Variants in SNX4 observed in about 807,000 individuals in gnomAD.
SNX4 encodes sorting nexin-4.
A neutral mutation model predicts 70.8 loss-of-function variants in SNX4; 49 were observed. The observed-to-expected ratio is 0.69, with a 90% CI of 0.55 to 0.88. The LOEUF (loss-of-function observed/expected upper bound fraction) is 0.88, where lower values mean the gene tolerates loss of function less well. Among genes scored for constraint, SNX4 ranks in the 40% least tolerant of loss-of-function variants. The probability of loss-of-function intolerance (pLI) is 0.00; values close to 1 mark genes in which losing one functional copy is unlikely to be tolerated. For synonymous variants in SNX4, 206 were observed against 183.8 expected (o/e 1.12, Z -0.98); for missense variants, 528 against 544.8 (o/e 0.97, Z 0.31).
chr3:125,516,995 G>GT (rs1396143212), intron 1 of SNX4: 12 of 86,056 alleles, frequency 1.4e-4, no homozygotes, highest in Non-Finnish European at 3.0e-4. Flanking sequence ...TCTGAAGATA[G>GT]TAAGTTATCT....
chr3:125,493,648 C>A (rs1333516362), intron 5 of SNX4, among the ~76,000 whole-genome samples: 2 of 134,026 alleles, frequency 1.5e-5, no homozygotes, highest in African/African-American at 5.7e-5. Context: ...AGCGAGACTC[C>A]GTGTCAAAAA....
intron 6 of SNX4, among the ~76,000 whole-genome samples, 193 bp downstream of exon 6, chr3:125,489,215 C>T (rs998346152): frequency 6.6e-6 from 1 of 152,118 alleles, no homozygotes; most frequent in Non-Finnish European, 1.5e-5. Flanking sequence ...TTTTATAAAA[C>T]TTCAGTCACA....
At chr3:125,502,896 A>G (rs1287873833) in intron 2 of SNX4, among the ~76,000 whole-genome samples, 2 of 149,118 alleles carry the variant, frequency 1.3e-5, no homozygotes, top group Non-Finnish European at 3.0e-5. Context: ...ACATTGTTAT[A>G]ACACTTAACT....
chr3:125,510,949 G>A (rs1580011342), intron 1 of SNX4, among the ~76,000 whole-genome samples: 3 of 152,050 alleles, frequency 2.0e-5, no homozygotes, highest in South Asian at 2.1e-4. Flanking sequence ...AGACAGTTTC[G>A]CTCTTACCGC....
At chr3:125,488,172 T>TAAA (rs35693375) in intron 6 of SNX4, among the ~76,000 whole-genome samples, 3,749 of 93,374 alleles carry the variant, frequency 0.04, 84 homozygotes, top group East Asian at 0.11. Context: ...AATAGTCTAT[T>TAAA]AAAAAAAAAA....
At chr3:125,483,975 C>A (rs567044325) in intron 6 of SNX4, among the ~76,000 whole-genome samples, 2 of 152,104 alleles carry the variant, frequency 1.3e-5, no homozygotes, top group Non-Finnish European at 2.9e-5. Flanking sequence ...TCATATATAA[C>A]GTCAGAATGT....
At chr3:125,454,542 A>G (rs1246653897) in intron 11 of SNX4, among the ~76,000 whole-genome samples, 1 of 152,212 alleles carries the variant, frequency 6.6e-6, no homozygotes, top group Non-Finnish European at 1.5e-5. Context: ...CTGCTGATTT[A>G]AAGTATACAA....
At position 125,476,741 on chromosome 3, in the gene SNX4, G is replaced by C; in HGVS notation, c.742C>G (p.Leu248Val). ...LRVRARVADR[L>V]YGVYKVHGNY... ...CCATGTACTTTATATACACCATAGA[G>C]TCGATCTGCTACTCTCTGAAATAAA... The change falls in exon 8 of 14, where the codon CTC becomes GTC. Residue 248 changes from leucine to valine, a missense_variant. This residue lies in a region of SNX4 where 341 missense variants were observed against 312.2 expected (regional missense o/e 1.09). Coordinates refer to ENST00000251775, the MANE Select transcript of SNX4 (RefSeq NM_003794.4). The C allele has an allele frequency of 6.3e-7, 1 of 1,592,574 alleles. No individual in the cohort carries two copies. Among genetic ancestry groups the C allele is most frequent in the Non-Finnish European group, 8.6e-7 (1 of 1,163,458 alleles).
chr3:125,486,830 T>C (rs986180957), intron 6 of SNX4, among the ~76,000 whole-genome samples: 5 of 152,090 alleles, frequency 3.3e-5, no homozygotes, highest in Admixed American at 3.3e-4. Flanking sequence ...AGGCGGAGGA[T>C]TGTTGAGCCC....
intron 6 of SNX4, 64 bp from the exon 7 acceptor site, chr3:125,480,383 A>T (rs551917402): frequency 1.6e-5 from 17 of 1,047,386 alleles, no homozygotes; most frequent in Non-Finnish European, 2.3e-5. Flanking sequence ...AAACTGAAAG[A>T]AAAAAACAGT....
At chr3:125,474,702 G>A (rs2107541001) in intron 8 of SNX4, among the ~76,000 whole-genome samples, 1 of 152,158 alleles carries the variant, frequency 6.6e-6, no homozygotes, top group Non-Finnish European at 1.5e-5. Context: ...TTATCATGTG[G>A]CATTAATGCA....
At chr3:125,468,536 A>C (rs1201359720) in intron 9 of SNX4, among the ~76,000 whole-genome samples, 2 of 149,816 alleles carry the variant, frequency 1.3e-5, no homozygotes, top group Non-Finnish European at 3.0e-5. Context: ...CCCCATCTCT[A>C]AAAAAAGAAA....
At chr3:125,518,681 A>T (rs1047446431) in intron 1 of SNX4, among the ~76,000 whole-genome samples, 1 of 152,114 alleles carries the variant, frequency 6.6e-6, no homozygotes, top group African/African-American at 2.4e-5. Flanking sequence ...AGCCTGGGTA[A>T]CATGGTGAAA....
At chr3:125,497,231 G>T in intron 5 of SNX4, 110 bp downstream of exon 5, 1 of 634,354 alleles carries the variant, frequency 1.6e-6, no homozygotes, top group South Asian at 2.1e-5. Flanking sequence ...TTTATTGTAA[G>T]ACGATTTCCA....
chr3:125,495,644 G>C (rs1051355336), intron 5 of SNX4, among the ~76,000 whole-genome samples: 3 of 151,994 alleles, frequency 2.0e-5, no homozygotes, highest in African/African-American at 7.3e-5. Context: ...CTGGTAAATA[G>C]CAATTTTATA....
At chr3:125,507,061 G>A (rs1275633019) in intron 1 of SNX4, among the ~76,000 whole-genome samples, 1 of 150,836 alleles carries the variant, frequency 6.6e-6, no homozygotes, top group Non-Finnish European at 1.5e-5. Context: ...AACTAGCTGG[G>A]TGTGGTGGCG....
chr3:125,447,840 TA>T lies in SNX4; in HGVS notation c.1306-15del. ...AACTTGAATTCCCTAAAAATAAAAA[TA>T]AAAACTTTAAAATGTGAGTTTGGAA... On this transcript the variant is annotated splice_polypyrimidine_tract_variant and intron_variant, in intron 13 of 13. Transcript: ENST00000251775. 1.3e-6 allele frequency: 2 copies of T among 1,544,128 alleles called. No individual in the cohort carries two copies. The highest frequency in any genetic ancestry group is 1.7e-4 in the Middle Eastern group (1 of 5,842).
At chr3:125,457,562 T>G (rs1364990994) in intron 10 of SNX4, among the ~76,000 whole-genome samples, 197 bp from the exon 11 acceptor site, 1 of 150,424 alleles carries the variant, frequency 6.6e-6, no homozygotes, top group Admixed American at 6.7e-5. Context: ...CCATAAAAAC[T>G]TCATATATTC....
At chr3:125,477,255 A>G (rs1447603370) in intron 7 of SNX4, among the ~76,000 whole-genome samples, 1 of 152,208 alleles carries the variant, frequency 6.6e-6, no homozygotes, top group Non-Finnish European at 1.5e-5. Context: ...TACATTTTCA[A>G]TTCTATTGAG....
Sources: allele counts gnomAD v4.1 joint callset (sites outside exome capture counted in the v4.1 genomes callset), GRCh38; gene constraint gnomAD v4.1.1; regional missense constraint gnomAD v4.1.1; transcripts MANE v1.5; gene names NCBI Gene and HGNC (gene_info 2026-07-23, HGNC 2026-07-21).